Variants in OTOGL observed in about 807,000 individuals in gnomAD.
OTOGL encodes otogelin like, also known as otogelin-like protein.
A neutral mutation model predicts 318.5 loss-of-function variants in OTOGL; 285 were observed. The ratio of observed to expected loss-of-function variants is 0.89; its 90% confidence interval spans 0.81 to 0.99. The LOEUF is 0.99. Ranked by LOEUF, OTOGL falls within the 50% of genes least tolerant of loss-of-function variation. The pLI, the probability that OTOGL is intolerant of heterozygous loss-of-function variation, is 0.00. For missense variants in OTOGL, 2,899 were observed against 2,845.6 expected, an observed-to-expected ratio of 1.02 and a Z score of -0.43; for synonymous variants, 987 against 936.5, an observed-to-expected ratio of 1.05 and a Z score of -0.99.
chr12:80,192,516 T>G (rs1350711165), intron 1 of OTOGL, among the ~76,000 whole-genome samples: 3 of 152,202 alleles, frequency 2.0e-5, no homozygotes, highest in Non-Finnish European at 4.4e-5. Flanking sequence ...TGGTTAAAAG[T>G]GAATTTCCAT....
At chr12:80,247,282 C>G (rs1369213817) in intron 11 of OTOGL, among the ~76,000 whole-genome samples, 1 of 148,890 alleles carries the variant, frequency 6.7e-6, no homozygotes, top group Non-Finnish European at 1.5e-5. Context: ...ATCTTTCCTG[C>G]TTTCTCTTGT....
chr12:80,336,083 C>T lies in OTOGL; in HGVS notation c.4543C>T (p.Arg1515Ter), dbSNP rs758437499. Residue 1515 changes from arginine to a stop codon, truncating the protein, a stop_gained, in exon 39 of 59, where the codon CGA becomes TGA. Transcript: ENST00000547103. LOFTEE classifies it high-confidence loss of function. ...CGTGGAAATGCCTGACTGTGGTTTC[C>T]GAGGAAGGCCAGTTCAAGTGAACAG... is the stretch of plus-strand genomic sequence containing the variant. ...KDVEMPDCGF[R>*]GRPVQVNSDI... The T allele has an allele frequency of 4.1e-5, 66 of 1,598,488 alleles. No individual in the cohort carries two copies. Among genetic ancestry groups the T allele is most frequent in the Non-Finnish European group, 5.3e-5 (62 of 1,179,378 alleles).
intron 1 of OTOGL, among the ~76,000 whole-genome samples, chr12:80,145,344 G>A (rs1473054714): frequency 6.6e-6 from 1 of 152,030 alleles, no homozygotes; most frequent in Non-Finnish European, 1.5e-5. Context: ...TTTTTCTCAG[G>A]TTTGTCAAAG....
chr12:80,265,579 A>T (rs1001760598), intron 20 of OTOGL: 3 of 214,930 alleles, frequency 1.4e-5, no homozygotes, highest in African/African-American at 6.9e-5. Flanking sequence ...ATTTAAATAG[A>T]TGTTATGCAA....
chr12:80,217,568 G>T, intron 4 of OTOGL, 30 bp from the exon 5 acceptor site: 1 of 1,405,188 alleles, frequency 7.1e-7, no homozygotes, highest in Non-Finnish European at 9.7e-7. Flanking sequence ...TAATTTAACT[G>T]TATTGCATTC....
At chr12:80,338,905 C>CCTTT in intron 42 of OTOGL, among the ~76,000 whole-genome samples, 170 bp from the exon 43 acceptor site, 1 of 151,810 alleles carries the variant, frequency 6.6e-6, no homozygotes, top group South Asian at 2.1e-4. Flanking sequence ...AGCAAAGGAA[C>CCTTT]AATAAAATAG....
At position 80,265,099 on chromosome 12, in the gene OTOGL, G is replaced by A. The variant is rs762900798; in HGVS notation, c.2113G>A (p.Asp705Asn). ...PGLYYQLCRH[D>N]ACKCGSSCLC... ...GCTGTACTATCAGCTATGCCGCCAC[G>A]ATGCATGCAAGTGTGGAAGCTCCTG... Residue 705 changes from aspartate to asparagine, a missense_variant, in exon 20 of 59, where the codon GAT (aspartate) becomes AAT (asparagine). Asp to Asn is a conservative substitution (Grantham distance 23). Transcript: ENST00000547103. The A allele has an allele frequency of 8.1e-6, 13 of 1,613,702 alleles. No homozygotes were observed. The highest frequency in any genetic ancestry group is 1.7e-5 in the Admixed American group (1 of 59,906).
intron 1 of OTOGL, among the ~76,000 whole-genome samples, chr12:80,171,491 G>T (rs1874203455): frequency 6.6e-6 from 1 of 152,134 alleles, no homozygotes. Flanking sequence ...GACTATGTTT[G>T]TGTTGGTATT....
At chr12:80,313,905 G>T (rs1269834369) in intron 31 of OTOGL, among the ~76,000 whole-genome samples, 4 of 151,998 alleles carry the variant, frequency 2.6e-5, no homozygotes, top group African/African-American at 9.7e-5. Flanking sequence ...TAGAGAAATT[G>T]TTTATGACTT....
At chr12:80,257,753 T>C in intron 17 of OTOGL, 72 bp from the exon 18 acceptor site, 1 of 1,264,288 alleles carries the variant, frequency 7.9e-7, no homozygotes. Context: ...AGAGTCCTGG[T>C]GGTGTACCCT....
intron 52 of OTOGL, among the ~76,000 whole-genome samples, chr12:80,359,470 G>A (rs1046624411): frequency 9.9e-5 from 15 of 152,062 alleles, no homozygotes; most frequent in East Asian, 9.6e-4. Flanking sequence ...GCTTGAGAAA[G>A]ACAATATATT....
At chr12:80,129,981 T>C (rs926190534) in intron 1 of OTOGL, among the ~76,000 whole-genome samples, 8 of 152,220 alleles carry the variant, frequency 5.3e-5, no homozygotes, top group Non-Finnish European at 8.8e-5. Flanking sequence ...TTTTGATTTA[T>C]CTCCATTCTT....
At position 80,175,705 on chromosome 12, in the gene OTOGL, G is replaced by T. The variant is rs578165342; in HGVS notation, c.-19-33708G>T. Among the ~76,000 whole-genome samples the T allele has an allele frequency of 1.1e-4, 16 of 152,212 alleles. No homozygotes were observed. The South Asian group carries it at 3.3e-3, about 32-fold the overall frequency. ...GACTTGGCAACTCTATGCACTTCAGGTGTGGTTCTTGTCTGGGGCCTGGTG... is the reference window on the plus strand; with the variant it reads ...GACTTGGCAACTCTATGCACTTCAGTTGTGGTTCTTGTCTGGGGCCTGGTG... On this transcript the variant is annotated intron_variant, in intron 1 of 58. Transcript: ENST00000547103.
intron 1 of OTOGL, among the ~76,000 whole-genome samples, chr12:80,184,352 T>C (rs1191528383): frequency 2.6e-5 from 4 of 152,210 alleles, no homozygotes; most frequent in Admixed American, 1.3e-4. Flanking sequence ...TTTTCCACTA[T>C]AGTTAAGTGG....
chr12:80,367,089 A>G (rs1238460173), intron 53 of OTOGL, among the ~76,000 whole-genome samples: 2 of 148,708 alleles, frequency 1.3e-5, no homozygotes, highest in Non-Finnish European at 3.0e-5. Flanking sequence ...CAATCCTTCC[A>G]CCTTAACTGC....
At chr12:80,224,893 G>T (rs1878685661) in intron 7 of OTOGL, among the ~76,000 whole-genome samples, 1 of 151,960 alleles carries the variant, frequency 6.6e-6, no homozygotes, top group Non-Finnish European at 1.5e-5. Context: ...AACTTAAAAA[G>T]TGTAATTGGA....
At chr12:80,333,447 A>G (rs903902450) in intron 38 of OTOGL, among the ~76,000 whole-genome samples, 10 of 151,874 alleles carry the variant, frequency 6.6e-5, no homozygotes, top group African/African-American at 2.2e-4. Context: ...GATAAAAGTC[A>G]TTGTCTCCTA....
At chr12:80,108,052 A>T (rs1869561624) in intron 1 of OTOGL, among the ~76,000 whole-genome samples, 1 of 152,146 alleles carries the variant, frequency 6.6e-6, no homozygotes, top group Non-Finnish European at 1.5e-5. Flanking sequence ...CATGACACGC[A>T]GTTTACCTAT....
chr12:80,129,133 A>G (rs1871073789), intron 1 of OTOGL, among the ~76,000 whole-genome samples: 1 of 152,184 alleles, frequency 6.6e-6, no homozygotes, highest in Non-Finnish European at 1.5e-5. Context: ...TGCGTCGCTC[A>G]TGCTGGGAGC....
Sources: gnomAD v4.1 joint callset for allele counts (sites outside exome capture counted in the v4.1 genomes callset) on GRCh38, gnomAD v4.1.1 for gene constraint, MANE v1.5 for transcripts, NCBI Gene and HGNC (gene_info 2026-07-23, HGNC 2026-07-21) for gene names.